The following NLGN4X variants were observed in gnomAD, a reference collection of about 807,000 sequenced individuals.
The protein encoded by NLGN4X is neuroligin-4, X-linked.
A neutral mutation model predicts 40.3 loss-of-function variants in NLGN4X; 3 were observed. The ratio of observed to expected loss-of-function variants is 0.07; its 90% CI spans 0.03 to 0.19. NLGN4X has a LOEUF of 0.19. NLGN4X is among the 10% of genes least tolerant of loss of function. The pLI, the probability that NLGN4X is intolerant of heterozygous loss-of-function variation, is 1.00. For missense variants in NLGN4X, 382 were observed against 708.3 expected (o/e 0.54, Z 5.23); for synonymous variants, 270 against 306.8 (o/e 0.88, Z 1.25).
intron 3 of NLGN4X, among the ~76,000 whole-genome samples, chrX:5,967,881 C>A (rs2034880983): frequency 9.0e-6 from 1 of 111,268 alleles, no homozygotes; most frequent in African/African-American, 3.3e-5. Context: ...TGCAGTCCCT[C>A]CCCCATCATG....
chrX:6,095,939 A>G (rs2038766097), intron 2 of NLGN4X, among the ~76,000 whole-genome samples: 1 of 112,295 alleles, frequency 8.9e-6, no homozygotes, highest in Non-Finnish European at 1.9e-5. Context: ...CTACATCTGA[A>G]TATGGAGGCT....
At chrX:6,180,077 C>T (rs1441584726) in intron 1 of NLGN4X, among the ~76,000 whole-genome samples, 1 of 111,436 alleles carries the variant, frequency 9.0e-6, no homozygotes, top group East Asian at 2.8e-4. Flanking sequence ...TAAATAGATG[C>T]CCTTAATAAA....
At chrX:6,090,349 T>C (rs987707674) in intron 2 of NLGN4X, among the ~76,000 whole-genome samples, 6 of 111,115 alleles carry the variant, frequency 5.4e-5, no homozygotes, top group African/African-American at 1.6e-4. Flanking sequence ...CAGTATTGCA[T>C]ACCTGAGATG....
At chrX:6,227,177 G>A in intron 1 of NLGN4X, 1 of 113,921 alleles carries the variant, frequency 8.8e-6, no homozygotes, top group South Asian at 3.5e-4. Flanking sequence ...GCCCGGGACA[G>A]CAGAGAGGCT....
At position 5,982,351 on chromosome X, in the gene NLGN4X, T is replaced by C. The variant is rs184281293; in HGVS notation, c.625+46929A>G. ...GAAGTTTGAGTTGTTAGGAATGAGATTGCTGATTTAATTTATTTTAATGCC... is the reference window on the plus strand; with the variant it reads ...GAAGTTTGAGTTGTTAGGAATGAGACTGCTGATTTAATTTATTTTAATGCC... On this transcript the variant is annotated intron_variant, in intron 3 of 5. Coordinates refer to ENST00000381095, the MANE Select transcript of NLGN4X (RefSeq NM_181332.3). Among the ~76,000 whole-genome samples the C allele has an allele frequency of 2.0e-4, 23 of 112,323 alleles. No individual in the cohort carries two copies. The East Asian group carries it at 5.3e-3, about 26-fold the overall frequency.
chrX:5,977,532 AATTATT>A (rs751655944), intron 3 of NLGN4X, among the ~76,000 whole-genome samples: 2 of 110,561 alleles, frequency 1.8e-5, no homozygotes, highest in African/African-American at 3.3e-5. Context: ...ACTTATTATT[AATTATT>A]ATTATTATTA....
intron 3 of NLGN4X, among the ~76,000 whole-genome samples, chrX:5,929,052 T>A (rs1282863851): frequency 2.7e-5 from 3 of 110,556 alleles, no homozygotes; most frequent in Non-Finnish European, 5.7e-5. Context: ...TGATTATTAT[T>A]TCCAAAGCTT....
intron 3 of NLGN4X, among the ~76,000 whole-genome samples, chrX:5,956,170 T>C (rs2034488837): frequency 1.8e-5 from 2 of 108,141 alleles, no homozygotes; most frequent in South Asian, 7.5e-4. Flanking sequence ...ATGAAATATA[T>C]ATATTTAATC....
rs1402764217 is a variant in NLGN4X, at chrX:5,903,986, T to A, written c.812-120A>T. On this transcript the variant is annotated intron_variant, in intron 4 of 5. Transcript: ENST00000381095. ...ATGTGAGTTTCTGGATGTAGTAGCA[T>A]TCAGCTCTGTCAGGGGCCCTTTTAC... 4.5e-6 allele frequency: 4 copies of A among 897,257 alleles called. No individual in the cohort carries two copies. In the African/African-American group the frequency reaches 5.9e-5, roughly 13 times the overall value. 73.9% of individuals were successfully genotyped at this position (897,257 alleles called of 1,213,427 possible).
chrX:6,064,209 G>T (rs1003977805), intron 2 of NLGN4X, among the ~76,000 whole-genome samples: 1 of 110,768 alleles, frequency 9.0e-6, no homozygotes, highest in African/African-American at 3.3e-5. Context: ...GTCCTAAAAG[G>T]TTCTTGCAAA....
intron 2 of NLGN4X, among the ~76,000 whole-genome samples, chrX:6,035,635 T>C (rs2147241398): frequency 9.0e-6 from 1 of 111,598 alleles, no homozygotes; most frequent in East Asian, 2.8e-4. Context: ...GATTTATTTC[T>C]AAACCCTTAT....
chrX:6,095,993 C>T (rs1209078752), intron 2 of NLGN4X, among the ~76,000 whole-genome samples: 2 of 112,368 alleles, frequency 1.8e-5, no homozygotes, highest in Non-Finnish European at 3.8e-5. Context: ...TGGAAATATT[C>T]TACAGCATGA....
chrX:5,975,838 A>G (rs2035163266), intron 3 of NLGN4X, among the ~76,000 whole-genome samples: 1 of 111,179 alleles, frequency 9.0e-6, no homozygotes, highest in Non-Finnish European at 1.9e-5. Flanking sequence ...AAAAAGCCTG[A>G]TATTTTCTAT....
rs749574818 is a variant in NLGN4X, at chrX:6,225,689, C to CTTTTTTTTTTTTTTTTT, written c.-306+2835_-306+2851dup. On this transcript the variant is annotated intron_variant, in intron 1 of 5. Coordinates refer to ENST00000381095, the MANE Select transcript of NLGN4X (RefSeq NM_181332.3). ...TTTCCTTTTTTTTCTTTCTTTTTTTCTTTTTTTTTTTTTTTTTTTTTTTTT... is the reference window on the plus strand; with the variant it reads ...TTTCCTTTTTTTTCTTTCTTTTTTTCTTTTTTTTTTTTTTTTTTTTTTTTTTTTTTTTTTTTTTTTTT... Among the ~76,000 whole-genome samples the CTTTTTTTTTTTTTTTTT allele has an allele frequency of 2.3e-3, 62 of 26,902 alleles. 12 individuals carry two copies. The highest frequency in any genetic ancestry group is 3.0e-3 in the Non-Finnish European group (46 of 15,483). 23.4% of individuals were successfully genotyped at this position (26,902 alleles called of 115,157 possible). A position where few individuals can be genotyped will look rare whatever the true frequency, so the allele number is the denominator to read the frequency against.
At chrX:5,939,417 A>C (rs2033844889) in intron 3 of NLGN4X, among the ~76,000 whole-genome samples, 1 of 111,463 alleles carries the variant, frequency 9.0e-6, no homozygotes, top group Admixed American at 9.6e-5. Flanking sequence ...CTTTGGCTCC[A>C]AGTGGTCTGG....
chrX:6,122,051 A>G (rs2039436401), intron 2 of NLGN4X, among the ~76,000 whole-genome samples: 1 of 111,973 alleles, frequency 8.9e-6, no homozygotes, highest in Admixed American at 9.5e-5. Context: ...TTGAGTATTT[A>G]TAACTGCACA....
chrX:6,179,099 A>AAAGGAAGGAAGGAAGGAAGGATGGAAGG lies in NLGN4X; in HGVS notation c.-305-27329_-305-27328insCCTTCCATCCTTCCTTCCTTCCTTCCTT, dbSNP rs1921128621. Among the ~76,000 whole-genome samples the AAAGGAAGGAAGGAAGGAAGGATGGAAGG allele has an allele frequency of 2.6e-5, 2 of 78,205 alleles. 1 individual carries two copies. The highest frequency in any genetic ancestry group is 4.6e-5 in the Non-Finnish European group (2 of 43,679). The allele number at this position is 78,205 out of a possible 115,157, so 67.9% of individuals were successfully genotyped here. A position where few individuals can be genotyped will look rare whatever the true frequency, so the allele number is the denominator to read the frequency against. On this transcript the variant is annotated intron_variant, in intron 1 of 5. Coordinates refer to ENST00000381095, the MANE Select transcript of NLGN4X (RefSeq NM_181332.3). Reference sequence around the variant, plus strand: ...GAGCGACAAAGCAAGACCCTGAAAAAAAGGAAGGAAGGAAGGAAGGAAGGA... The same window carrying AAAGGAAGGAAGGAAGGAAGGATGGAAGG: ...GAGCGACAAAGCAAGACCCTGAAAAAAAGGAAGGAAGGAAGGAAGGATGGAAGGAAGGAAGGAAGGAAGGAAGGAAGGA...
chrX:6,155,272 C>T (rs988206380), intron 1 of NLGN4X, among the ~76,000 whole-genome samples: 4 of 111,763 alleles, frequency 3.6e-5, no homozygotes, highest in South Asian at 3.8e-4. Context: ...TTGAGACATC[C>T]GCTTCCATCT....
intron 2 of NLGN4X, among the ~76,000 whole-genome samples, chrX:6,117,650 G>A (rs1210776553): frequency 1.8e-5 from 2 of 112,119 alleles, no homozygotes; most frequent in Non-Finnish European, 3.8e-5. Flanking sequence ...TCATCCTTGT[G>A]TTACTGCACT....
Sources: allele counts gnomAD v4.1 joint callset (sites outside exome capture counted in the v4.1 genomes callset), GRCh38; gene constraint gnomAD v4.1.1; transcripts MANE v1.5; gene names NCBI Gene and HGNC (gene_info 2026-07-23, HGNC 2026-07-21).